The following TMC7 variants were observed in gnomAD, a reference collection of about 807,000 sequenced individuals.
TMC7 encodes the protein transmembrane channel like 7, also known as transmembrane channel-like protein 7.
Under a neutral mutation model 82.9 loss-of-function variants are expected in TMC7, and 54 were observed. The observed-to-expected ratio is 0.65, with a 90% CI of 0.52 to 0.82. The LOEUF (loss-of-function observed/expected upper bound fraction) is 0.82, where lower values mean the gene tolerates loss of function less well. Ranked by LOEUF, TMC7 falls within the 40% of genes least tolerant of loss-of-function variation. The pLI, the probability that TMC7 is intolerant of heterozygous loss-of-function variation, is 0.00. For missense variants in TMC7, 820 were observed against 901.2 expected (o/e 0.91, Z 1.15); for synonymous variants, 350 against 337.9 (o/e 1.04, Z -0.39).
At chr16:19,013,345 A>G (rs1959487412) in intron 2 of TMC7, among the ~76,000 whole-genome samples, 1 of 151,204 alleles carries the variant, frequency 6.6e-6, no homozygotes, top group South Asian at 2.1e-4. Flanking sequence ...CAGCCTCCCT[A>G]GTAGCTGGGA....
chr16:19,038,323 G>A (rs1054231229), intron 8 of TMC7, among the ~76,000 whole-genome samples: 3 of 152,088 alleles, frequency 2.0e-5, no homozygotes, highest in African/African-American at 7.2e-5. Flanking sequence ...AGCCTCCCGA[G>A]TAGCTGGGAT....
At chr16:19,004,039 AT>A (rs571678425) in intron 1 of TMC7, among the ~76,000 whole-genome samples, 1,073 of 16,872 alleles carry the variant, frequency 0.064, 18 homozygotes, top group South Asian at 0.14. Flanking sequence ...AAAAAAATAA[AT>A]TTAAAAAAAA....
At chr16:19,032,143 T>G (rs1960547176) in intron 6 of TMC7, among the ~76,000 whole-genome samples, 1 of 152,200 alleles carries the variant, frequency 6.6e-6, no homozygotes, top group Non-Finnish European at 1.5e-5. Flanking sequence ...ATTGTCCCTG[T>G]GAGAGCATGC....
At chr16:19,042,912 A>C (rs1162471406) in intron 9 of TMC7, among the ~76,000 whole-genome samples, 1 of 151,916 alleles carries the variant, frequency 6.6e-6, no homozygotes. Context: ...ATGCCCGGCT[A>C]ATTTTTTGTA....
chr16:19,011,506 AAAATAAATAAATAAAT>A (rs58092157), intron 2 of TMC7, among the ~76,000 whole-genome samples: 193 of 137,860 alleles, frequency 1.4e-3, no homozygotes, highest in African/African-American at 3.9e-3. Flanking sequence ...CTGTCTTTAC[AAAATAAATAAATAAAT>A]AAATAAATAA....
At chr16:19,014,397 T>G (rs1959568848) in intron 2 of TMC7, among the ~76,000 whole-genome samples, 1 of 152,170 alleles carries the variant, frequency 6.6e-6, no homozygotes, top group Non-Finnish European at 1.5e-5. Flanking sequence ...GGGTAGGTAC[T>G]TTACTAACTC....
intron 6 of TMC7, among the ~76,000 whole-genome samples, chr16:19,030,698 C>T (rs1960476656): frequency 6.6e-6 from 1 of 151,816 alleles, no homozygotes; most frequent in Admixed American, 6.6e-5. Flanking sequence ...TGTGCCTCAG[C>T]CTCCTGGGTA....
At chr16:18,995,551 G>A (rs1012016709) in intron 1 of TMC7, among the ~76,000 whole-genome samples, 8 of 152,170 alleles carry the variant, frequency 5.3e-5, no homozygotes, top group East Asian at 1.9e-4. Context: ...CCTGGGCTGC[G>A]GGCATTCCTT....
At chr16:19,048,993 T>G (rs955836255) in intron 12 of TMC7, among the ~76,000 whole-genome samples, 1 of 152,208 alleles carries the variant, frequency 6.6e-6, no homozygotes, top group Admixed American at 6.6e-5. Context: ...ATGCACTGAT[T>G]ACACCCACCC....
intron 2 of TMC7, chr16:19,012,129 C>CAAAAAAA (rs60078349): frequency 7.4e-6 from 1 of 136,044 alleles, no homozygotes; most frequent in Non-Finnish European, 1.6e-5. Flanking sequence ...GATGTTGTCT[C>CAAAAAAA]AAAAAAAAAA....
chr16:18,988,061 T>G (rs1039652337), intron 1 of TMC7, among the ~76,000 whole-genome samples: 35 of 152,052 alleles, frequency 2.3e-4, no homozygotes, highest in African/African-American at 8.5e-4. Context: ...CTCAAACTCC[T>G]AGCCTTGATT....
chr16:19,018,704 G>A (rs1171186350), intron 3 of TMC7, among the ~76,000 whole-genome samples: 1 of 152,024 alleles, frequency 6.6e-6, no homozygotes, highest in Non-Finnish European at 1.5e-5. Flanking sequence ...GGGAGGCTGA[G>A]GCAGGAGGAT....
chr16:19,037,372 G>A (rs1301614639), intron 7 of TMC7, among the ~76,000 whole-genome samples: 3 of 116,840 alleles, frequency 2.6e-5, no homozygotes, highest in East Asian at 5.2e-4. Context: ...TGGCAACAGA[G>A]CGAGACTCTG....
intron 1 of TMC7, among the ~76,000 whole-genome samples, chr16:18,988,240 T>G (rs2038888628): frequency 6.6e-6 from 1 of 150,990 alleles, no homozygotes. Context: ...CTGCAACCTC[T>G]GCCTCCTGGG....
intron 1 of TMC7, among the ~76,000 whole-genome samples, chr16:19,005,987 G>A (rs1019586449): frequency 5.3e-5 from 8 of 152,122 alleles, no homozygotes; most frequent in African/African-American, 7.2e-5. Context: ...TTGCCTATCC[G>A]AGAAAGGCAA....
chr16:19,043,902 C>CTCTG (rs1961138358), intron 9 of TMC7, among the ~76,000 whole-genome samples: 1 of 151,140 alleles, frequency 6.6e-6, no homozygotes, highest in Non-Finnish European at 1.5e-5. Flanking sequence ...TGGAGTCTTG[C>CTCTG]TCTGTCGCCC....
In TMC7 at chr16:19,011,648, AG is replaced by A. The variant is rs1231722992; in HGVS notation, c.311+2235del. Among the ~76,000 whole-genome samples, 3 of 152,220 alleles carry A rather than the reference AG, an allele frequency of 2.0e-5. No homozygotes were observed. The East Asian group carries it at 5.8e-4, about 29-fold the overall frequency. The stretch of plus-strand genomic sequence containing the variant: ...AGGTGTATCACTCAAGCCCAGGGCT[AG>A]GAGGGCTGCAGTGAGCTATGATTCT... On this transcript the variant is annotated intron_variant, in intron 2 of 15. Coordinates refer to ENST00000304381, the MANE Select transcript of TMC7 (RefSeq NM_024847.4).
chr16:19,053,849 CTTTT>C (rs35024702), intron 13 of TMC7, among the ~76,000 whole-genome samples: 3 of 138,022 alleles, frequency 2.2e-5, no homozygotes, highest in Admixed American at 1.5e-4. Context: ...TCTTTTCTTT[CTTTT>C]TTTTTTTTTT....
chr16:18,993,210 C>T (rs1470469834), intron 1 of TMC7, among the ~76,000 whole-genome samples: 1 of 152,136 alleles, frequency 6.6e-6, no homozygotes, highest in Non-Finnish European at 1.5e-5. Flanking sequence ...AATAGGACTT[C>T]ATCAGGGTGA....
Sources: allele counts gnomAD v4.1 joint callset (sites outside exome capture counted in the v4.1 genomes callset), GRCh38; gene constraint gnomAD v4.1.1; transcripts MANE v1.5; gene names NCBI Gene and HGNC (gene_info 2026-07-23, HGNC 2026-07-21).